The following AGBL4 variants were observed in gnomAD, a reference collection of about 807,000 sequenced individuals.
AGBL4 encodes the protein cytosolic carboxypeptidase 6.
A neutral mutation model predicts 66.4 loss-of-function variants in AGBL4; 58 were observed. The observed-to-expected ratio is 0.87, with a 90% CI of 0.71 to 1.09. AGBL4 has a LOEUF of 1.09. AGBL4 is among the 50% of genes least tolerant of loss of function. AGBL4 has a pLI of 0.00. For synonymous variants in AGBL4, 234 were observed against 222.9 expected (o/e 1.05, Z -0.44); for missense variants, 579 against 631.0 (o/e 0.92, Z 0.88).
intron 3 of AGBL4, among the ~76,000 whole-genome samples, chr1:49,290,478 G>A (rs1038925038): frequency 2.6e-5 from 4 of 152,134 alleles, no homozygotes; most frequent in African/African-American, 9.7e-5. Flanking sequence ...GCATCAATGA[G>A]TCAGAGAAAT....
intron 4 of AGBL4, among the ~76,000 whole-genome samples, chr1:49,115,289 C>G (rs1419011799): frequency 2.0e-5 from 3 of 152,094 alleles, no homozygotes; most frequent in Admixed American, 1.3e-4. Context: ...AATACAAAGG[C>G]TGAAATTAGT....
At chr1:49,398,003 T>C (rs1645006219) in intron 3 of AGBL4, among the ~76,000 whole-genome samples, 1 of 152,206 alleles carries the variant, frequency 6.6e-6, no homozygotes, top group Non-Finnish European at 1.5e-5. Flanking sequence ...GAAAATCTCA[T>C]TAAAGTACTT....
intron 4 of AGBL4, among the ~76,000 whole-genome samples, chr1:49,204,767 T>A (rs763599134): frequency 6.6e-6 from 1 of 152,116 alleles, no homozygotes; most frequent in East Asian, 1.9e-4. Context: ...AGAATATGAT[T>A]CCAGGTCCCT....
intron 3 of AGBL4, among the ~76,000 whole-genome samples, chr1:49,330,079 T>C (rs1012565128): frequency 5.9e-5 from 9 of 152,228 alleles, no homozygotes; most frequent in African/African-American, 2.2e-4. Context: ...CTCATTGTGA[T>C]ATTTCCTATT....
At chr1:49,426,760 C>T (rs956329695) in intron 3 of AGBL4, among the ~76,000 whole-genome samples, 1 of 152,126 alleles carries the variant, frequency 6.6e-6, no homozygotes, top group Non-Finnish European at 1.5e-5. Context: ...AGTAGCCTGA[C>T]CAGAGTCTAC....
intron 4 of AGBL4, among the ~76,000 whole-genome samples, chr1:49,122,484 A>G (rs1645677913): frequency 6.6e-6 from 1 of 152,222 alleles, no homozygotes; most frequent in South Asian, 2.1e-4. Context: ...CTTTCTAACA[A>G]AAATATTCCA....
At chr1:48,994,402 C>T (rs3118219) in intron 5 of AGBL4, among the ~76,000 whole-genome samples, 84,638 of 152,060 alleles carry the variant, frequency 0.56, 24,111 homozygotes, top group Non-Finnish European at 0.61. Context: ...TCTGTTATAA[C>T]ACTACATTAT....
At chr1:49,247,048 C>T (rs966722453) in intron 3 of AGBL4, among the ~76,000 whole-genome samples, 4 of 151,870 alleles carry the variant, frequency 2.6e-5, no homozygotes, top group Non-Finnish European at 4.4e-5. Context: ...AGAGAGGTTA[C>T]CTAACTTGAT....
chr1:49,616,170 A>G (rs1645246575), intron 3 of AGBL4, among the ~76,000 whole-genome samples: 1 of 152,128 alleles, frequency 6.6e-6, no homozygotes, highest in Non-Finnish European at 1.5e-5. Flanking sequence ...TAATCTTCAC[A>G]TCAATTCTCT....
intron 1 of AGBL4, among the ~76,000 whole-genome samples, chr1:50,012,697 C>T (rs1248943955): frequency 2.6e-5 from 4 of 151,942 alleles, no homozygotes; most frequent in African/African-American, 9.7e-5. Context: ...CTTTTGTCAC[C>T]CTAAAAGCAA....
At chr1:49,912,781 C>T (rs1650989042) in intron 1 of AGBL4, among the ~76,000 whole-genome samples, 1 of 152,088 alleles carries the variant, frequency 6.6e-6, no homozygotes, top group African/African-American at 2.4e-5. Flanking sequence ...CTGTAGGCTG[C>T]AAAGTCCAAG....
chr1:49,695,848 A>G (rs1646972821), intron 3 of AGBL4, among the ~76,000 whole-genome samples: 2 of 152,136 alleles, frequency 1.3e-5, no homozygotes, highest in East Asian at 3.9e-4. Context: ...AAAGTATCAA[A>G]GCAAAGTGGC....
intron 3 of AGBL4, among the ~76,000 whole-genome samples, chr1:49,557,357 C>A (rs1405180495): frequency 6.6e-6 from 1 of 152,130 alleles, no homozygotes; most frequent in Non-Finnish European, 1.5e-5. Context: ...GTTTTAATTT[C>A]ATATTGTTGA....
chr1:49,004,947 A>G (rs1661664981), intron 5 of AGBL4, among the ~76,000 whole-genome samples: 1 of 152,190 alleles, frequency 6.6e-6, no homozygotes, highest in East Asian at 1.9e-4. Context: ...AGTTTAGAGC[A>G]AGATGTTTGA....
At chr1:49,574,058 C>A (rs951379315) in intron 3 of AGBL4, among the ~76,000 whole-genome samples, 3 of 152,208 alleles carry the variant, frequency 2.0e-5, no homozygotes, top group Admixed American at 2.0e-4. Flanking sequence ...CTTCAGGAGC[C>A]ACCCCAACAC....
intron 6 of AGBL4, among the ~76,000 whole-genome samples, chr1:48,812,839 T>A (rs1646084330): frequency 6.6e-6 from 1 of 151,910 alleles, no homozygotes; most frequent in African/African-American, 2.4e-5. Context: ...AAACCATCAT[T>A]CTCAGCAAAC....
intron 3 of AGBL4, among the ~76,000 whole-genome samples, chr1:49,333,688 A>G (rs926865896): frequency 5.3e-5 from 8 of 152,232 alleles, no homozygotes; most frequent in African/African-American, 1.4e-4. Flanking sequence ...ATTATGATTT[A>G]TCTAATTCAG....
chr1:48,981,478 G>C (rs1659763784), intron 5 of AGBL4, among the ~76,000 whole-genome samples: 1 of 152,194 alleles, frequency 6.6e-6, no homozygotes, highest in East Asian at 1.9e-4. Context: ...ACCACATACA[G>C]GTTTTTCAAT....
intron 2 of AGBL4, among the ~76,000 whole-genome samples, chr1:49,755,402 G>C (rs1019312262): frequency 6.6e-6 from 1 of 152,162 alleles, no homozygotes; most frequent in African/African-American, 2.4e-5. Context: ...GTTGGAGTCA[G>C]TTCTAGTTCT....
Sources: allele counts gnomAD v4.1 joint callset (sites outside exome capture counted in the v4.1 genomes callset), GRCh38; gene constraint gnomAD v4.1.1; transcripts MANE v1.5; gene names NCBI Gene and HGNC (gene_info 2026-07-23, HGNC 2026-07-21).